The following SVEP1 variants were observed in gnomAD, a reference collection of about 807,000 sequenced individuals.
SVEP1 encodes sushi, von Willebrand factor type A, EGF and pentraxin domain-containing protein 1.
A neutral mutation model predicts 367.3 loss-of-function variants in SVEP1; 164 were observed. That is an observed-to-expected ratio of 0.45 (90% CI 0.39 to 0.51). SVEP1 has a LOEUF of 0.51. SVEP1 is among the 20% of genes least tolerant of loss of function. The pLI, the probability that SVEP1 is intolerant of heterozygous loss-of-function variation, is 0.00. For missense variants in SVEP1, 4,117 were observed against 4,425.3 expected (o/e 0.93, Z 1.98); for synonymous variants, 1,666 against 1,611.6 (o/e 1.03, Z -0.81).
intron 18 of SVEP1, among the ~76,000 whole-genome samples, chr9:110,464,956 G>T (rs7853789): frequency 2.6e-5 from 4 of 151,980 alleles, no homozygotes; most frequent in Non-Finnish European, 4.4e-5. Context: ...TTCATCTTTT[G>T]TTTCTGTTTA....
intron 1 of SVEP1, 28 bp downstream of exon 1, chr9:110,578,985 C>T: frequency 6.5e-7 from 1 of 1,543,868 alleles, no homozygotes; most frequent in Non-Finnish European, 8.7e-7. Context: ...GGGACTAGGG[C>T]CCGGGTCGGG....
intron 5 of SVEP1, among the ~76,000 whole-genome samples, chr9:110,504,529 A>T (rs1829593163): frequency 6.6e-6 from 1 of 152,216 alleles, no homozygotes; most frequent in African/African-American, 2.4e-5. Context: ...ATGGTATAGC[A>T]AAAAACATAG....
intron 16 of SVEP1, among the ~76,000 whole-genome samples, chr9:110,470,660 T>G (rs1342516806): frequency 2.6e-5 from 4 of 151,944 alleles, no homozygotes; most frequent in Admixed American, 2.6e-4. Flanking sequence ...GGTCTCGAAC[T>G]CCTGGGCTCA....
intron 1 of SVEP1, among the ~76,000 whole-genome samples, chr9:110,566,130 C>T (rs1830488986): frequency 6.6e-6 from 1 of 151,846 alleles, no homozygotes; most frequent in Non-Finnish European, 1.5e-5. Context: ...CCAGCCTGGG[C>T]AACATGGCAA....
chr9:110,382,114 G>A lies in SVEP1; in HGVS notation c.10238-2597C>T, dbSNP rs116095292. On this transcript the variant is annotated intron_variant, in intron 43 of 47. Transcript: ENST00000374469. ...CATTGTTATGTGTGAATTTGAGCCT[G>A]TCATCATGATTCTAGGTGGTTATTT... 4.6e-3 allele frequency among the ~76,000 whole-genome samples: 706 copies of A among 152,172 alleles called. 3 individuals carry two copies. Among genetic ancestry groups the A allele is most frequent in the African/African-American group, 0.016 (670 of 41,534 alleles).
At chr9:110,566,162 T>A (rs1407018112) in intron 1 of SVEP1, among the ~76,000 whole-genome samples, 1 of 150,540 alleles carries the variant, frequency 6.6e-6, no homozygotes, top group African/African-American at 2.4e-5. Flanking sequence ...TACAAAAAAA[T>A]ACAAAAAGAA....
chr9:110,427,565 T>G (rs1564139607), intron 36 of SVEP1, 26 bp downstream of exon 36: 1 of 1,603,446 alleles, frequency 6.2e-7, no homozygotes, highest in South Asian at 1.1e-5. Context: ...CTCTCAATGA[T>G]CCTTTCCTTC....
At chr9:110,465,295 TAA>T (rs58478942) in intron 18 of SVEP1, among the ~76,000 whole-genome samples, 2 of 140,114 alleles carry the variant, frequency 1.4e-5, no homozygotes, top group African/African-American at 2.6e-5. Flanking sequence ...TGGGGAAACT[TAA>T]AAAAAAAAAA....
At chr9:110,459,487 A>G (rs1443044176) in intron 18 of SVEP1, among the ~76,000 whole-genome samples, 3 of 152,138 alleles carry the variant, frequency 2.0e-5, no homozygotes, top group Non-Finnish European at 4.4e-5. Context: ...CTACTATTGG[A>G]TATTTAGATT....
chr9:110,431,705 A>G lies in SVEP1; in HGVS notation c.5353+210T>C, dbSNP rs548843234. On this transcript the variant is annotated intron_variant, in intron 32 of 47. Coordinates refer to ENST00000374469, the MANE Select transcript of SVEP1 (RefSeq NM_153366.4). ...GTTGGCTGTCAGTTTTGTTTCTGAG[A>G]AATTGGGAAGTTGGGGGAGGCACAA... Among the ~76,000 whole-genome samples, 5 of 152,294 alleles carry G rather than the reference A, an allele frequency of 3.3e-5. No individual in the cohort carries two copies. The South Asian group carries it at 1.0e-3, about 32-fold the overall frequency.
chr9:110,498,287 C>T lies in SVEP1; in HGVS notation c.1681+754G>A, dbSNP rs530867296. 3.9e-5 allele frequency among the ~76,000 whole-genome samples: 6 copies of T among 152,312 alleles called. No individual in the cohort carries two copies. The East Asian group carries it at 7.7e-4, about 20-fold the overall frequency. On this transcript the variant is annotated intron_variant, in intron 7 of 47. Coordinates refer to ENST00000374469, the MANE Select transcript of SVEP1 (RefSeq NM_153366.4). ...TTGTGGTCTAAAGGATTAAGCCATT[C>T]TCTAGCTCAGAGAAATTTTCTTCTC... is the stretch of plus-strand genomic sequence containing the variant.
intron 25 of SVEP1, among the ~76,000 whole-genome samples, chr9:110,446,485 T>C (rs957138092): frequency 6.6e-6 from 1 of 152,212 alleles, no homozygotes; most frequent in Non-Finnish European, 1.5e-5. Context: ...GCCCCAAACC[T>C]GCACAGACCA....
intron 3 of SVEP1, among the ~76,000 whole-genome samples, chr9:110,515,468 T>A (rs539152835): frequency 1.6e-3 from 240 of 152,016 alleles, no homozygotes; most frequent in Non-Finnish European, 2.9e-3. Context: ...GCCTGGCTAA[T>A]TTTTTGTATT....
chr9:110,395,468 C>T (rs1827743405), intron 40 of SVEP1, among the ~76,000 whole-genome samples: 1 of 152,166 alleles, frequency 6.6e-6, no homozygotes, highest in African/African-American at 2.4e-5. Flanking sequence ...AGCCAGCTGA[C>T]ATCATAATGA....
intron 43 of SVEP1, 37 bp from the exon 44 acceptor site, chr9:110,379,554 T>C: frequency 6.2e-7 from 1 of 1,605,208 alleles, no homozygotes; most frequent in Non-Finnish European, 8.5e-7. Context: ...GCTTGTGCTA[T>C]TAACACAGAC....
At chr9:110,539,695 TA>T (rs1830120775) in intron 3 of SVEP1, among the ~76,000 whole-genome samples, 1 of 151,530 alleles carries the variant, frequency 6.6e-6, no homozygotes, top group Non-Finnish European at 1.5e-5. Flanking sequence ...TATATTTAAA[TA>T]AGAAATGCTT....
intron 1 of SVEP1, among the ~76,000 whole-genome samples, chr9:110,572,789 C>CAAAAAAAAAAAAAAAAAAAA (rs56077443): frequency 1.7e-4 from 13 of 76,522 alleles, no homozygotes; most frequent in Admixed American, 2.9e-4. Flanking sequence ...CTCTCTCTCA[C>CAAAAAAAAAAAAAAAAAAAA]AAAAAAAAAA....
At chr9:110,513,863 A>C (rs1315660884) in intron 4 of SVEP1, 85 bp downstream of exon 4, 4 of 1,416,782 alleles carry the variant, frequency 2.8e-6, no homozygotes, top group Non-Finnish European at 3.8e-6. Flanking sequence ...GATCATTCTA[A>C]ATGAATTAGG....
intron 46 of SVEP1, among the ~76,000 whole-genome samples, chr9:110,371,786 C>T (rs1827280416): frequency 5.9e-5 from 9 of 152,220 alleles, no homozygotes; most frequent in Admixed American, 5.9e-4. Context: ...TTAACTGTCT[C>T]TCAAATCTGC....
Sources: allele counts gnomAD v4.1 joint callset (sites outside exome capture counted in the v4.1 genomes callset), GRCh38; gene constraint gnomAD v4.1.1; transcripts MANE v1.5; gene names NCBI Gene and HGNC (gene_info 2026-07-23, HGNC 2026-07-21).